The following SRGAP1 variants were observed in gnomAD, a reference collection of about 807,000 sequenced individuals.
The protein encoded by SRGAP1 is SLIT-ROBO Rho GTPase-activating protein 1.
Under a neutral mutation model 121.9 loss-of-function variants are expected in SRGAP1, and 43 were observed. The ratio of observed to expected loss-of-function variants is 0.35; its 90% CI spans 0.28 to 0.46. SRGAP1 has a LOEUF of 0.46. Among genes scored for constraint, SRGAP1 ranks in the 20% least tolerant of loss-of-function variants. The pLI is 1.00. For missense variants in SRGAP1, 1,102 were observed against 1,350.9 expected (o/e 0.82, Z 2.89); for synonymous variants, 447 against 485.4 (o/e 0.92, Z 1.04).
chr12:64,050,412 C>T (rs1211379668), intron 6 of SRGAP1, among the ~76,000 whole-genome samples: 1 of 151,968 alleles, frequency 6.6e-6, no homozygotes, highest in Non-Finnish European at 1.5e-5. Flanking sequence ...CACATTCTTA[C>T]CATCTAAGAT....
intron 18 of SRGAP1, among the ~76,000 whole-genome samples, chr12:64,121,420 T>C (rs1046250965): frequency 1.3e-5 from 2 of 151,572 alleles, no homozygotes; most frequent in Non-Finnish European, 2.9e-5. Context: ...TTTATTTTTA[T>C]TTTTTTTCTT....
intron 1 of SRGAP1, among the ~76,000 whole-genome samples, chr12:63,965,204 T>C (rs991653707): frequency 3.3e-5 from 5 of 152,180 alleles, no homozygotes; most frequent in Non-Finnish European, 7.3e-5. Flanking sequence ...GCTCTGAAAA[T>C]TCTACCTATA....
rs1691654 is a variant in SRGAP1, at chr12:64,072,110, G to C, written c.1126-6809G>C. 4.2e-3 allele frequency among the ~76,000 whole-genome samples: 315 copies of C among 74,766 alleles called. 1 individual carries two copies. Among genetic ancestry groups the C allele is most frequent in the African/African-American group, 0.017 (285 of 17,232 alleles). 49.0% of individuals were successfully genotyped at this position (74,766 alleles called of 152,430 possible). A position where few individuals can be genotyped will look rare whatever the true frequency, so the allele number is the denominator to read the frequency against. On this transcript the variant is annotated intron_variant, in intron 8 of 21. Transcript: ENST00000355086. ...TACGGAGTTGACCCAATCTCTCTCT[G>C]TGTGTGTGTGTGTGTGTGTGTGTGT...
intron 17 of SRGAP1, among the ~76,000 whole-genome samples, chr12:64,114,981 A>G (rs560359079): frequency 4.1e-4 from 63 of 152,346 alleles, no homozygotes; most frequent in Admixed American, 3.3e-3. Flanking sequence ...TATTCCATTT[A>G]TCAGCACACA....
intron 1 of SRGAP1, among the ~76,000 whole-genome samples, chr12:63,897,053 G>T (rs547931366): frequency 1.1e-3 from 168 of 152,286 alleles, no homozygotes; most frequent in Non-Finnish European, 1.7e-3. Context: ...GACAACAACA[G>T]GGGCAGATCT....
rs369801715 is a variant in SRGAP1 at position 64,033,667 on chromosome 12, G to A, written c.490-9123G>A. Among the ~76,000 whole-genome samples, 102 of 152,016 alleles carry A rather than the reference G, an allele frequency of 6.7e-4. 1 individual carries two copies. In the East Asian group the frequency reaches 0.011, roughly 17 times the overall value. ...CGGGAGGCGGAGGTTGCAGTGAGCC[G>A]AGCTCATGACATTACACTTCAGCTT... On this transcript the variant is annotated intron_variant, in intron 4 of 21. Coordinates refer to ENST00000355086, the MANE Select transcript of SRGAP1 (RefSeq NM_020762.4).
At chr12:63,934,851 C>T (rs987326449) in intron 1 of SRGAP1, among the ~76,000 whole-genome samples, 2 of 152,174 alleles carry the variant, frequency 1.3e-5, no homozygotes, top group Admixed American at 6.5e-5. Context: ...TATAATATCC[C>T]TACCTCACCT....
At chr12:63,980,197 C>T (rs970150449) in intron 1 of SRGAP1, among the ~76,000 whole-genome samples, 72 of 152,172 alleles carry the variant, frequency 4.7e-4, no homozygotes, top group African/African-American at 1.5e-3. Flanking sequence ...GGATTGCAGG[C>T]ATGCACCACC....
Position 64,152,867 on chromosome 12 carries a change from A to T in SRGAP1, c.*10195A>T, listed in dbSNP as rs918001897. 4 of 149,724 alleles carry T rather than the reference A, an allele frequency of 2.7e-5. No individual in the cohort carries two copies. Among genetic ancestry groups the T allele is most frequent in the Non-Finnish European group, 3.0e-5 (2 of 67,700 alleles). 9.3% of individuals were successfully genotyped at this position (149,724 alleles called of 1,614,324 possible). On this transcript the variant is annotated 3_prime_UTR_variant, in exon 22 of 22. Coordinates refer to ENST00000355086, the MANE Select transcript of SRGAP1 (RefSeq NM_020762.4). ...CCGGGGATCTAGCTGTGAATGAGAC[A>T]CACAGGGCTCCTGGTCTCATGGAGT...
intron 21 of SRGAP1, among the ~76,000 whole-genome samples, chr12:64,141,406 C>A (rs2036961144): frequency 6.6e-6 from 1 of 151,754 alleles, no homozygotes; most frequent in Non-Finnish European, 1.5e-5. Context: ...ATGGTGAAAC[C>A]CCGTCTCTAG....
At chr12:63,849,338 C>G (rs1344159161) in intron 1 of SRGAP1, among the ~76,000 whole-genome samples, 1 of 152,118 alleles carries the variant, frequency 6.6e-6, no homozygotes, top group East Asian at 1.9e-4. Context: ...TATTGTGGAG[C>G]TACACATATG....
At chr12:64,018,375 G>A (rs1433660087) in intron 4 of SRGAP1, among the ~76,000 whole-genome samples, 1 of 152,154 alleles carries the variant, frequency 6.6e-6, no homozygotes, top group Non-Finnish European at 1.5e-5. Flanking sequence ...ACAGGCATGA[G>A]CCACCGAGCC....
intron 4 of SRGAP1, among the ~76,000 whole-genome samples, chr12:64,024,107 A>T (rs750000388): frequency 1.3e-5 from 2 of 152,178 alleles, no homozygotes; most frequent in Admixed American, 1.3e-4. Flanking sequence ...GAATGGGCAA[A>T]CCCAAATGAC....
chr12:64,043,583 CT>C lies in SRGAP1; in HGVS notation c.801+10del, dbSNP rs1565654110. ...CTTTCTGATTTAATTGATGTGAGTACTTGAAGTTTTTGTCTTTTCCATATTA... is the reference window on the plus strand; with the variant it reads ...CTTTCTGATTTAATTGATGTGAGTACTGAAGTTTTTGTCTTTTCCATATTA... On this transcript the variant is annotated intron_variant, in intron 6 of 21. Coordinates refer to ENST00000355086, the MANE Select transcript of SRGAP1 (RefSeq NM_020762.4). 2 of 1,580,544 alleles carry C rather than the reference CT, an allele frequency of 1.3e-6. No individual in the cohort carries two copies. The highest frequency in any genetic ancestry group is 2.4e-5 in the South Asian group (2 of 83,734).
At chr12:64,139,425 C>T (rs1316260799) in intron 21 of SRGAP1, among the ~76,000 whole-genome samples, 2 of 152,172 alleles carry the variant, frequency 1.3e-5, no homozygotes, top group Non-Finnish European at 2.9e-5. Context: ...GAAATTATTG[C>T]AGTATCTAAA....
At chr12:63,922,578 A>G (rs1179908626) in intron 1 of SRGAP1, among the ~76,000 whole-genome samples, 1 of 152,090 alleles carries the variant, frequency 6.6e-6, no homozygotes. Context: ...ACTTCAACCT[A>G]CTTTTCCAGC....
intron 8 of SRGAP1, among the ~76,000 whole-genome samples, chr12:64,073,544 C>A (rs983902094): frequency 6.6e-6 from 1 of 152,140 alleles, no homozygotes; most frequent in African/African-American, 2.4e-5. Flanking sequence ...ATGCTCAAGT[C>A]CCTTATATAA....
At chr12:63,949,960 A>G (rs1180124883) in intron 1 of SRGAP1, among the ~76,000 whole-genome samples, 1 of 152,234 alleles carries the variant, frequency 6.6e-6, no homozygotes, top group Non-Finnish European at 1.5e-5. Context: ...TCATAATTCT[A>G]GAAGAGTTAA....
intron 4 of SRGAP1, among the ~76,000 whole-genome samples, chr12:64,025,771 C>T (rs2034640401): frequency 6.6e-6 from 1 of 152,172 alleles, no homozygotes; most frequent in Admixed American, 6.5e-5. Flanking sequence ...GGACTGGGGT[C>T]ATGTGACTCT....
Sources: gnomAD v4.1 joint callset for allele counts (sites outside exome capture counted in the v4.1 genomes callset) on GRCh38, gnomAD v4.1.1 for gene constraint, MANE v1.5 for transcripts, NCBI Gene and HGNC (gene_info 2026-07-23, HGNC 2026-07-21) for gene names.